ZFYVE21: variants seen among roughly 807,000 people sequenced by gnomAD.
ZFYVE21 encodes the protein zinc finger FYVE-type containing 21.
Under a neutral mutation model 29.5 loss-of-function variants are expected in ZFYVE21, and 21 were observed. That is an observed-to-expected ratio of 0.71 (90% confidence interval 0.50 to 1.02). The LOEUF is 1.02. Ranked by LOEUF, ZFYVE21 falls within the 50% of genes least tolerant of loss-of-function variation. ZFYVE21 has a pLI of 0.00. For missense variants in ZFYVE21, 326 were observed against 335.4 expected (o/e 0.97, Z 0.22); for synonymous variants, 151 against 133.8 (o/e 1.13, Z -0.89).
intron 1 of ZFYVE21, among the ~76,000 whole-genome samples, chr14:103,722,727 G>A (rs1407126748): frequency 6.6e-6 from 1 of 151,982 alleles, no homozygotes; most frequent in Non-Finnish European, 1.5e-5. Context: ...GCTGAGGCGG[G>A]AGAATGACGT....
In ZFYVE21 at chr14:103,733,044, AC is replaced by A. The variant is rs768935839; in HGVS notation, c.*27del. On this transcript the variant is annotated 3_prime_UTR_variant, in exon 7 of 7. Transcript: ENST00000311141. ...CTCTACGTGGGGCTGAGCTTGGAGTACGTGTGGTCACCAGGACTGAGTCGCT... is the reference window on the plus strand; with the variant it reads ...CTCTACGTGGGGCTGAGCTTGGAGTAGTGTGGTCACCAGGACTGAGTCGCT... 6.2e-7 allele frequency: 1 copy of A among 1,614,092 alleles called. No individual in the cohort carries two copies. Among genetic ancestry groups the A allele is most frequent in the South Asian group, 1.1e-5 (1 of 91,080 alleles).
intron 1 of ZFYVE21, among the ~76,000 whole-genome samples, chr14:103,720,484 T>C (rs909344949): frequency 2.6e-5 from 4 of 152,218 alleles, no homozygotes; most frequent in African/African-American, 7.2e-5. Flanking sequence ...TGGTGGGGCC[T>C]GATGTTTTTT....
At chr14:103,727,048 T>C (rs940044757) in intron 2 of ZFYVE21, 269 of 529,536 alleles carry the variant, frequency 5.1e-4, no homozygotes, top group Non-Finnish European at 7.8e-4. Flanking sequence ...CAGGTTCAAG[T>C]GATTCTCCTG....
At chr14:103,722,115 G>A (rs946982723) in intron 1 of ZFYVE21, among the ~76,000 whole-genome samples, 8 of 152,196 alleles carry the variant, frequency 5.3e-5, no homozygotes, top group South Asian at 4.1e-4. Context: ...TTTGCGGGGC[G>A]TGCTTACTGG....
chr14:103,727,360 G>GCCCCCCGCCCCCCCCGCC, intron 2 of ZFYVE21: 2 of 358,078 alleles, frequency 5.6e-6, no homozygotes, highest in Non-Finnish European at 1.1e-5. Flanking sequence ...GCACCCACCT[G>GCCCCCCGCCCCCCCCGCC]CCCCCCGCCC....
chr14:103,729,381 T>TA (rs2083955463), intron 5 of ZFYVE21, 199 bp downstream of exon 5: 3 of 598,552 alleles, frequency 5.0e-6, no homozygotes, highest in Non-Finnish European at 8.8e-6. Flanking sequence ...AGTGGAGACT[T>TA]AAACTGTAAG....
rs2151949373 is a variant in ZFYVE21 at position 103,716,440 on chromosome 14, G to C, written c.138+461G>C. On this transcript the variant is annotated intron_variant, in intron 1 of 6. Transcript: ENST00000311141. This position sits in a 1 kb window ranked among gnomAD's most constrained non-coding sequence, Gnocchi z 4.8. Reference sequence around the variant, plus strand: ...TGTCCGCGGAAGCGCTGGAGCTGGCGGCCCCGCAGGGGTCCCTCCCGGGAA... The same window carrying C: ...TGTCCGCGGAAGCGCTGGAGCTGGCCGCCCCGCAGGGGTCCCTCCCGGGAA... 6.6e-6 allele frequency among the ~76,000 whole-genome samples: 1 copy of C among 152,284 alleles called. No homozygotes were observed. Among genetic ancestry groups the C allele is most frequent in the South Asian group, 2.1e-4 (1 of 4,820 alleles).
chr14:103,728,879 G>C, intron 3 of ZFYVE21, 29 bp from the exon 4 acceptor site: 1 of 1,612,796 alleles, frequency 6.2e-7, no homozygotes, highest in Non-Finnish European at 8.5e-7. Flanking sequence ...AGCAGGCCCT[G>C]TTCTCACGTT....
chr14:103,717,972 C>G (rs929568393), intron 1 of ZFYVE21, among the ~76,000 whole-genome samples: 1 of 152,154 alleles, frequency 6.6e-6, no homozygotes. Context: ...TGCAATAGCT[C>G]GAGGGGACAT....
chr14:103,720,916 G>A (rs1397234418), intron 1 of ZFYVE21, among the ~76,000 whole-genome samples: 1 of 152,156 alleles, frequency 6.6e-6, no homozygotes, highest in Non-Finnish European at 1.5e-5. Context: ...TTCACCTCCC[G>A]GGTTCAAGCC....
chr14:103,719,577 G>A (rs779144016), intron 1 of ZFYVE21, among the ~76,000 whole-genome samples: 13 of 152,038 alleles, frequency 8.6e-5, no homozygotes, highest in African/African-American at 1.2e-4. Context: ...GGTAAGCAAG[G>A]GGGGCATCTG....
Position 103,733,164 on chromosome 14 carries a change from T to G in ZFYVE21, c.*146T>G. On this transcript the variant is annotated 3_prime_UTR_variant, in exon 7 of 7. Transcript: ENST00000311141. ...ACTCATGTATTTGGAGAAACAGGAG[T>G]GTTCACTTATCTAGTGCAATATGTT... The G allele has an allele frequency of 2.1e-6, 2 of 966,364 alleles. No individual in the cohort carries two copies. The highest frequency in any genetic ancestry group is 1.6e-6 in the Non-Finnish European group (1 of 639,340). The allele number at this position is 966,364 out of a possible 1,614,324, so 59.9% of individuals were successfully genotyped here.
Position 103,727,733 on chromosome 14 carries a change from CG to C in ZFYVE21, c.190-12del. On this transcript the variant is annotated splice_polypyrimidine_tract_variant and intron_variant, in intron 2 of 6. Transcript: ENST00000311141. ...TGCCCCTCCTCACTGCCAATCCTCC[CG>C]CATCTGCCCAGCACCACTGTCGCCG... 1.2e-6 allele frequency: 2 copies of C among 1,602,226 alleles called. No homozygotes were observed. The highest frequency in any genetic ancestry group is 1.7e-6 in the Non-Finnish European group (2 of 1,178,134).
intron 1 of ZFYVE21, among the ~76,000 whole-genome samples, chr14:103,723,465 G>A (rs2083891327): frequency 6.6e-6 from 1 of 152,220 alleles, no homozygotes. Flanking sequence ...GCCAGGCCTG[G>A]TTTCCAAGTC....
chr14:103,733,244 A>G lies in ZFYVE21; in HGVS notation c.*226A>G, dbSNP rs771031911. On this transcript the variant is annotated 3_prime_UTR_variant, in exon 7 of 7. Transcript: ENST00000311141. ...ATGTTTTAGAATTTGTGTATTGTCAATACTTAATTGGGGGTGGGAGAGACT... is the reference window on the plus strand; with the variant it reads ...ATGTTTTAGAATTTGTGTATTGTCAGTACTTAATTGGGGGTGGGAGAGACT... 1.9e-5 allele frequency: 11 copies of G among 565,280 alleles called. No homozygotes were observed. The highest frequency in any genetic ancestry group is 5.7e-5 in the African/African-American group (3 of 52,600). The allele number at this position is 565,280 out of a possible 1,614,324, so 35.0% of individuals were successfully genotyped here.
intron 2 of ZFYVE21, 62 bp from the exon 3 acceptor site, chr14:103,727,684 C>G (rs1212981365): frequency 6.3e-7 from 1 of 1,587,994 alleles, no homozygotes; most frequent in Non-Finnish European, 8.5e-7. Flanking sequence ...CCAGCCGGGG[C>G]CACACCCGGG....
In ZFYVE21 at chr14:103,733,047, TGTG is replaced by T; in HGVS notation, c.*32_*34del. 1 of 1,614,102 alleles carries T rather than the reference TGTG, an allele frequency of 6.2e-7. No individual in the cohort carries two copies. The highest frequency in any genetic ancestry group is 8.5e-7 in the Non-Finnish European group (1 of 1,180,024). ...TACGTGGGGCTGAGCTTGGAGTACG[TGTG>T]GTCACCAGGACTGAGTCGCTTGGAA... On this transcript the variant is annotated 3_prime_UTR_variant, in exon 7 of 7. Coordinates refer to ENST00000311141, the MANE Select transcript of ZFYVE21 (RefSeq NM_024071.4).
At chr14:103,719,115 C>G (rs188449348) in intron 1 of ZFYVE21, among the ~76,000 whole-genome samples, 1 of 151,984 alleles carries the variant, frequency 6.6e-6, no homozygotes, top group African/African-American at 2.4e-5. Context: ...AGAGCTGAGG[C>G]CAGAATACAA....
chr14:103,727,204 C>T, intron 2 of ZFYVE21: 1 of 346,538 alleles, frequency 2.9e-6, no homozygotes, highest in Non-Finnish European at 5.5e-6. Context: ...CCTCGGCCTC[C>T]CAAAGTGCTG....
Sources: allele counts gnomAD v4.1 joint callset (sites outside exome capture counted in the v4.1 genomes callset), GRCh38; gene constraint gnomAD v4.1.1; non-coding constraint Gnocchi (gnomAD v3.1); transcripts MANE v1.5; gene names NCBI Gene and HGNC (gene_info 2026-07-23, HGNC 2026-07-21).